FHOD3: variants seen among roughly 807,000 people sequenced by gnomAD.
The protein encoded by FHOD3 is FH1/FH2 domain-containing protein 3.
Under a neutral mutation model 173.0 loss-of-function variants are expected in FHOD3, and 90 were observed. That is an observed-to-expected ratio of 0.52 (90% confidence interval 0.44 to 0.62). FHOD3 has a LOEUF of 0.62. Among genes scored for constraint, FHOD3 ranks in the 20% least tolerant of loss-of-function variants. FHOD3 has a pLI of 0.00. For synonymous variants in FHOD3, 828 were observed against 823.0 expected (o/e 1.01, Z -0.10); for missense variants, 1,945 against 2,034.7 (o/e 0.96, Z 0.85).
chr18:36,301,085 G>T (rs767893508), intron 1 of FHOD3, among the ~76,000 whole-genome samples: 72 of 152,296 alleles, frequency 4.7e-4, no homozygotes, highest in Admixed American at 1.6e-3. Flanking sequence ...ACAAAAAAGT[G>T]TACAGGGTAT....
chr18:36,310,239 A>G (rs1254129540), intron 1 of FHOD3, among the ~76,000 whole-genome samples: 2 of 152,222 alleles, frequency 1.3e-5, no homozygotes, highest in Admixed American at 1.3e-4. Flanking sequence ...TATTTCTATC[A>G]ATGCTACTGA....
At chr18:36,716,022 G>C (rs1002531457) in intron 18 of FHOD3, among the ~76,000 whole-genome samples, 2 of 152,202 alleles carry the variant, frequency 1.3e-5, no homozygotes, top group Non-Finnish European at 2.9e-5. Context: ...GGTGGTGTGC[G>C]ATGAATGAAA....
In FHOD3 at chr18:36,746,823, T is replaced by G. The variant is rs561615759; in HGVS notation, c.4042-122T>G. On this transcript the variant is annotated intron_variant, in intron 23 of 28. Transcript: ENST00000590592. Reference sequence around the variant, plus strand: ...AATAATTTTTAGGCTGTAAATATGTTTGCATTTCAAAATGTGAATTTCGTT... The same window carrying G: ...AATAATTTTTAGGCTGTAAATATGTGTGCATTTCAAAATGTGAATTTCGTT... The G allele has an allele frequency of 4.6e-6, 3 of 647,526 alleles. No homozygotes were observed. The Admixed American group carries it at 1.0e-4, about 22-fold the overall frequency. 40.1% of individuals were successfully genotyped at this position (647,526 alleles called of 1,614,324 possible). A position where few individuals can be genotyped will look rare whatever the true frequency, so the allele number is the denominator to read the frequency against.
intron 14 of FHOD3, among the ~76,000 whole-genome samples, chr18:36,664,091 A>G (rs530683307): frequency 6.6e-6 from 1 of 152,336 alleles, no homozygotes; most frequent in African/African-American, 2.4e-5. Context: ...TACTTAAAAA[A>G]AAATTGTCAG....
intron 13 of FHOD3, among the ~76,000 whole-genome samples, chr18:36,654,446 G>C (rs945309196): frequency 1.3e-5 from 2 of 152,038 alleles, no homozygotes; most frequent in Non-Finnish European, 2.9e-5. Flanking sequence ...TTTGTCTATT[G>C]TATATATGCT....
At chr18:36,544,220 T>C (rs958021882) in intron 5 of FHOD3, among the ~76,000 whole-genome samples, 3 of 152,192 alleles carry the variant, frequency 2.0e-5, no homozygotes, top group African/African-American at 7.2e-5. Context: ...AGAGATGCTC[T>C]CTGCAGAGTT....
At chr18:36,683,497 T>G (rs1234186240) in intron 15 of FHOD3, among the ~76,000 whole-genome samples, 1 of 152,134 alleles carries the variant, frequency 6.6e-6, no homozygotes, top group Admixed American at 6.6e-5. Context: ...CAGGTGAAAT[T>G]AGGAAGGGAG....
intron 16 of FHOD3, chr18:36,692,832 C>T: frequency 4.6e-6 from 1 of 218,850 alleles, no homozygotes; most frequent in South Asian, 7.7e-5. Flanking sequence ...ACCCATTTCA[C>T]AGCTGTGAGC....
At position 36,444,919 on chromosome 18, in the gene FHOD3, A is replaced by G. The variant is rs150916812; in HGVS notation, c.338-57013A>G. Among the ~76,000 whole-genome samples, 91 of 152,322 alleles carry G rather than the reference A, an allele frequency of 6.0e-4. 1 individual carries two copies. The East Asian group carries it at 0.013, about 21-fold the overall frequency. ...AAAATGAATAGCCTCATGCATGTGT[A>G]TTTTCACGTTGTTGGAGGTATATTG... On this transcript the variant is annotated intron_variant, in intron 3 of 28. Coordinates refer to ENST00000590592, the MANE Select transcript of FHOD3 (RefSeq NM_001281740.3).
chr18:36,709,015 A>T, intron 17 of FHOD3, 80 bp from the exon 18 acceptor site: 3 of 1,519,882 alleles, frequency 2.0e-6, no homozygotes, highest in Non-Finnish European at 2.7e-6. Context: ...CAGAGAAATC[A>T]ACCTCACATT....
intron 5 of FHOD3, among the ~76,000 whole-genome samples, chr18:36,551,599 C>G (rs1265897374): frequency 2.0e-5 from 3 of 152,024 alleles, no homozygotes; most frequent in Non-Finnish European, 4.4e-5. Flanking sequence ...ATGGTATTGC[C>G]TAGGTTTTCT....
intron 3 of FHOD3, among the ~76,000 whole-genome samples, chr18:36,498,744 A>G (rs1245257357): frequency 6.6e-6 from 1 of 152,196 alleles, no homozygotes; most frequent in Non-Finnish European, 1.5e-5. Flanking sequence ...TATTAACACC[A>G]TTGCAAGAAA....
At chr18:36,741,376 G>A (rs562734196) in intron 21 of FHOD3, among the ~76,000 whole-genome samples, 12 of 152,286 alleles carry the variant, frequency 7.9e-5, no homozygotes, top group African/African-American at 1.9e-4. Context: ...GGAGTTTTTC[G>A]CAGGCTGAAC....
At chr18:36,731,050 C>G (rs1256690517) in intron 20 of FHOD3, among the ~76,000 whole-genome samples, 1 of 152,140 alleles carries the variant, frequency 6.6e-6, no homozygotes, top group African/African-American at 2.4e-5. Context: ...CTGCCTACCT[C>G]AAAATGGAAG....
intron 7 of FHOD3, among the ~76,000 whole-genome samples, chr18:36,596,321 A>ATTTTTTTT (rs539907617): frequency 1.3e-3 from 73 of 57,496 alleles, no homozygotes; most frequent in Non-Finnish European, 1.4e-3. Flanking sequence ...TGCCCAGCTA[A>ATTTTTTTT]TTTTTTTTTT....
intron 27 of FHOD3, among the ~76,000 whole-genome samples, chr18:36,768,575 T>C (rs2043239644): frequency 6.6e-6 from 1 of 152,172 alleles, no homozygotes; most frequent in African/African-American, 2.4e-5. Flanking sequence ...GGTGATGCTT[T>C]CTTCTGACTT....
chr18:36,551,351 G>C, intron 5 of FHOD3, among the ~76,000 whole-genome samples: 1 of 151,914 alleles, frequency 6.6e-6, no homozygotes, highest in Non-Finnish European at 1.5e-5. Context: ...TAATATCTTT[G>C]ATTTTGTTGT....
intron 14 of FHOD3, among the ~76,000 whole-genome samples, chr18:36,678,217 C>T (rs530938521): frequency 6.6e-6 from 1 of 152,004 alleles, no homozygotes; most frequent in Non-Finnish European, 1.5e-5. Flanking sequence ...TTATTTTTAA[C>T]AGTAAACTGT....
chr18:36,519,906 T>C (rs184223356), intron 5 of FHOD3, among the ~76,000 whole-genome samples: 2 of 152,152 alleles, frequency 1.3e-5, no homozygotes, highest in Middle Eastern at 3.2e-3. Flanking sequence ...GATTAGTGAA[T>C]GCTTGTCTCT....
Sources: gnomAD v4.1 joint callset for allele counts (sites outside exome capture counted in the v4.1 genomes callset) on GRCh38, gnomAD v4.1.1 for gene constraint, MANE v1.5 for transcripts, NCBI Gene and HGNC (gene_info 2026-07-23, HGNC 2026-07-21) for gene names.